TPTE2: variants seen among roughly 807,000 people sequenced by gnomAD.
The protein encoded by TPTE2 is phosphatidylinositol 3,4,5-trisphosphate 3-phosphatase TPTE2.
TPTE2 carries 53 observed loss-of-function variants against 78.6 expected under a neutral mutation model. That is an observed-to-expected ratio of 0.67 (90% confidence interval 0.54 to 0.85). The LOEUF is 0.85. Ranked by LOEUF, TPTE2 falls within the 40% of genes least tolerant of loss-of-function variation. The pLI is 0.00. For missense variants in TPTE2, 461 were observed against 623.0 expected (o/e 0.74, Z 2.77); for synonymous variants, 175 against 206.2 (o/e 0.85, Z 1.30).
intron 1 of TPTE2, among the ~76,000 whole-genome samples, chr13:19,523,934 G>GT (rs1231694732): frequency 1.4e-4 from 22 of 152,198 alleles, no homozygotes; most frequent in Non-Finnish European, 3.1e-4. Flanking sequence ...CTAGAGCTTT[G>GT]TTAGTTAACA....
rs371174905 is a variant in TPTE2 at position 19,438,158 on chromosome 13, A to G, written c.974-5T>C. The G allele has an allele frequency of 6.2e-6, 10 of 1,607,716 alleles. No individual in the cohort carries two copies. In the African/African-American group the frequency reaches 1.2e-4, roughly 19 times the overall value. ...AAACCATAGTCCCGGTTCTTCCTAGAAAAGAAAAGAAGTTAGTTCAAGAAC... is the reference window on the plus strand; with the variant it reads ...AAACCATAGTCCCGGTTCTTCCTAGGAAAGAAAAGAAGTTAGTTCAAGAAC... On this transcript the variant is annotated splice_polypyrimidine_tract_variant and splice_region_variant and intron_variant, in intron 13 of 19. Transcript: ENST00000400230.
At chr13:19,469,055 G>A (rs1566053744) in intron 6 of TPTE2, among the ~76,000 whole-genome samples, 3 of 152,076 alleles carry the variant, frequency 2.0e-5, no homozygotes, top group Non-Finnish European at 4.4e-5. Flanking sequence ...TTTTGCTTTG[G>A]TTGCCTGTGC....
intron 3 of TPTE2, among the ~76,000 whole-genome samples, chr13:19,488,291 C>T (rs1880779454): frequency 6.6e-6 from 1 of 152,220 alleles, no homozygotes; most frequent in Non-Finnish European, 1.5e-5. Flanking sequence ...TGATTGCTGG[C>T]TTCAACTTAA....
intron 13 of TPTE2, among the ~76,000 whole-genome samples, chr13:19,443,308 A>T (rs367564813): frequency 6.6e-6 from 1 of 151,636 alleles, no homozygotes; most frequent in Non-Finnish European, 1.5e-5. Context: ...AGATTCAGAA[A>T]AATCTTTAAG....
chr13:19,512,817 T>C (rs538844689), intron 1 of TPTE2, among the ~76,000 whole-genome samples: 35 of 152,228 alleles, frequency 2.3e-4, no homozygotes, highest in Admixed American at 7.2e-4. Flanking sequence ...GACCTCGTGG[T>C]CCACCTGCCT....
intron 1 of TPTE2, among the ~76,000 whole-genome samples, chr13:19,522,619 CTTTTTTTTTTT>C (rs57248346): frequency 8.2e-6 from 1 of 121,646 alleles, no homozygotes; most frequent in South Asian, 2.6e-4. Context: ...CTTTTTTTTT[CTTTTTTTTTTT>C]TTTTTTCTTT....
intron 1 of TPTE2, among the ~76,000 whole-genome samples, chr13:19,517,129 A>G (rs1469569174): frequency 4.6e-5 from 7 of 152,106 alleles, no homozygotes; most frequent in African/African-American, 7.2e-5. Flanking sequence ...TACAGATGAG[A>G]CTGCTTCCAG....
upstream of TPTE2, among the ~76,000 whole-genome samples, chr13:19,536,973 A>G (rs7993793): frequency 1.8e-3 from 267 of 151,146 alleles, no homozygotes; most frequent in African/African-American, 6.2e-3. Context: ...TATTATAAAT[A>G]TAATTATGTA....
intron 16 of TPTE2, among the ~76,000 whole-genome samples, chr13:19,431,366 C>G (rs750598116): frequency 6.6e-6 from 1 of 151,968 alleles, no homozygotes; most frequent in Admixed American, 6.6e-5. Flanking sequence ...CAGACAAAGG[C>G]TCTTCTGTTC....
At chr13:19,560,899 C>A in the TPTE2 span, 1 of 1,582,504 alleles carries the variant, frequency 6.3e-7, no homozygotes, top group Non-Finnish European at 8.6e-7. Context: ...TGATCTCACA[C>A]TCGTTGGAGG....
the TPTE2 span, among the ~76,000 whole-genome samples, chr13:19,557,336 G>A: frequency 6.6e-6 from 1 of 152,200 alleles, no homozygotes; most frequent in Admixed American, 6.5e-5. Context: ...TTACTTAAGA[G>A]TGTATGTGTG....
In TPTE2 at chr13:19,433,417, C is replaced by T. The variant is rs58655389; in HGVS notation, c.1117-839G>A. Among the ~76,000 whole-genome samples the T allele has an allele frequency of 6.6e-4, 100 of 152,268 alleles. 1 individual carries two copies. In the East Asian group the frequency reaches 0.018, roughly 28 times the overall value. ...ACTCGGGAGGCTGAGGCAGGAGAAT[C>T]GCTTGAACCCAAGAGGTCGAGGTTG... On this transcript the variant is annotated intron_variant, in intron 15 of 19. Coordinates refer to ENST00000400230, the Ensembl canonical transcript of TPTE2.
chr13:19,479,997 A>T (rs1048190953), intron 4 of TPTE2, among the ~76,000 whole-genome samples: 6 of 152,056 alleles, frequency 3.9e-5, no homozygotes, highest in Non-Finnish European at 8.8e-5. Flanking sequence ...GATATGAGAT[A>T]CTAAACCTTA....
In TPTE2 at chr13:19,528,177, T is replaced by C. The variant is rs148003092; in HGVS notation, c.-44+8419A>G. Among the ~76,000 whole-genome samples the C allele has an allele frequency of 6.7e-3, 1,017 of 151,804 alleles. 9 individuals are homozygous for C. Among genetic ancestry groups the C allele is most frequent in the African/African-American group, 0.022 (900 of 41,392 alleles). On this transcript the variant is annotated intron_variant, in intron 1 of 17. Transcript: ENST00000390680. ...CAGGTGGATTACCTGAGGTCAGGAG[T>C]TCGAGACCAGCCTATCCTATGTGGT...
At chr13:19,464,811 A>G (rs1879160918) in intron 9 of TPTE2, among the ~76,000 whole-genome samples, 2 of 152,184 alleles carry the variant, frequency 1.3e-5, no homozygotes, top group Non-Finnish European at 2.9e-5. Context: ...TTTATTTCTT[A>G]TCTTAAATAC....
intron 1 of TPTE2, among the ~76,000 whole-genome samples, chr13:19,499,213 C>A (rs945444524): frequency 6.6e-5 from 10 of 152,104 alleles, no homozygotes; most frequent in Non-Finnish European, 1.3e-4. Flanking sequence ...CACTTTAACA[C>A]CCCACTGTCA....
At chr13:19,446,857 G>A (rs1421476929) in intron 13 of TPTE2, among the ~76,000 whole-genome samples, 3 of 152,054 alleles carry the variant, frequency 2.0e-5, no homozygotes, top group Non-Finnish European at 4.4e-5. Flanking sequence ...TGGGAGGATC[G>A]CTTGAGCCCC....
At chr13:19,496,201 C>T (rs941671815) in intron 1 of TPTE2, among the ~76,000 whole-genome samples, 1 of 152,128 alleles carries the variant, frequency 6.6e-6, no homozygotes, top group African/African-American at 2.4e-5. Context: ...TTGCCTTACC[C>T]TTACAGAAGT....
chr13:19,473,128 CA>C (rs1221037953), intron 6 of TPTE2, among the ~76,000 whole-genome samples: 1 of 152,188 alleles, frequency 6.6e-6, no homozygotes, highest in Non-Finnish European at 1.5e-5. Context: ...CTGTGGCCAC[CA>C]ATACTGTGAC....
Sources: gnomAD v4.1 joint callset for allele counts (sites outside exome capture counted in the v4.1 genomes callset) on GRCh38, gnomAD v4.1.1 for gene constraint, MANE v1.5 for transcripts, NCBI Gene and HGNC (gene_info 2026-07-23, HGNC 2026-07-21) for gene names.